The following LRP1B variants were observed in gnomAD, a reference collection of about 807,000 sequenced individuals.
LRP1B encodes the protein LDL receptor related protein 1B.
In LRP1B, 217 loss-of-function variants were observed where a neutral mutation model predicts 556.6. The observed-to-expected ratio is 0.39, with a 90% CI of 0.35 to 0.44. LRP1B has a LOEUF of 0.44. LRP1B is among the 20% of genes least tolerant of loss of function. LRP1B has a pLI of 1.00. For synonymous variants in LRP1B, 2,047 were observed against 1,865.8 expected (o/e 1.10, Z -2.50); for missense variants, 5,053 against 5,620.8 (o/e 0.90, Z 3.23).
intron 2 of LRP1B, among the ~76,000 whole-genome samples, chr2:141,572,904 A>G (rs1390643131): frequency 2.4e-5 from 1 of 41,796 alleles, no homozygotes; most frequent in African/African-American, 6.0e-5. Flanking sequence ...TAAGTATTCT[A>G]AATATCTATG....
intron 16 of LRP1B, among the ~76,000 whole-genome samples, chr2:140,993,687 A>G (rs1697156380): frequency 6.6e-6 from 1 of 152,018 alleles, no homozygotes; most frequent in Non-Finnish European, 1.5e-5. Context: ...CAAAAATCCA[A>G]AGAATTTCCC....
chr2:142,104,217 G>A (rs886794249), intron 1 of LRP1B, among the ~76,000 whole-genome samples: 5 of 152,102 alleles, frequency 3.3e-5, no homozygotes, highest in African/African-American at 1.2e-4. Flanking sequence ...AGGGGAACTG[G>A]AAGGAAGGAT....
At chr2:141,500,043 G>A (rs1683656018) in intron 2 of LRP1B, among the ~76,000 whole-genome samples, 2 of 152,168 alleles carry the variant, frequency 1.3e-5, no homozygotes, top group Admixed American at 1.3e-4. Flanking sequence ...CTGCCTAAAA[G>A]CAGAGCATAC....
rs1022553228 is a variant in LRP1B, at chr2:141,149,080, C to CA, written c.1013+39340dup. 1.7e-3 allele frequency among the ~76,000 whole-genome samples: 245 copies of CA among 144,008 alleles called. 2 individuals are homozygous for CA. The highest frequency in any genetic ancestry group is 2.6e-3 in the Non-Finnish European group (172 of 65,492). The allele number at this position is 144,008 out of a possible 152,430, so 94.5% of individuals were successfully genotyped here. On this transcript the variant is annotated intron_variant, in intron 7 of 90. Transcript: ENST00000389484. ...GGTGGAGTGCAGTGGTGCGATCTCT[C>CA]AAAAAAAAAAGTGAGGAATTCCTGA...
chr2:140,872,846 G>T (rs186077291), intron 25 of LRP1B, among the ~76,000 whole-genome samples: 1 of 149,112 alleles, frequency 6.7e-6, no homozygotes, highest in Non-Finnish European at 1.5e-5. Context: ...GAAAGTCTAA[G>T]ACAAGAAAAA....
At chr2:140,938,136 C>T (rs1695284343) in intron 20 of LRP1B, among the ~76,000 whole-genome samples, 1 of 150,162 alleles carries the variant, frequency 6.7e-6, no homozygotes, top group African/African-American at 2.5e-5. Flanking sequence ...TTTTAGCTTG[C>T]TGAGACCTTT....
At chr2:141,022,652 C>A (rs1698098988) in intron 11 of LRP1B, among the ~76,000 whole-genome samples, 1 of 151,834 alleles carries the variant, frequency 6.6e-6, no homozygotes, top group Non-Finnish European at 1.5e-5. Context: ...GAACAAAAGC[C>A]CTTTAAACAG....
chr2:142,078,580 G>A (rs1231587631), intron 1 of LRP1B, among the ~76,000 whole-genome samples: 1 of 152,088 alleles, frequency 6.6e-6, no homozygotes, highest in East Asian at 1.9e-4. Flanking sequence ...TTCCTGCCCT[G>A]TACAGCGGGT....
intron 12 of LRP1B, among the ~76,000 whole-genome samples, chr2:141,016,910 G>T (rs998071920): frequency 2.6e-5 from 4 of 152,046 alleles, no homozygotes; most frequent in Admixed American, 6.6e-5. Context: ...TTTGGAAAAA[G>T]TCTGTCACCA....
intron 32 of LRP1B, among the ~76,000 whole-genome samples, chr2:140,782,626 G>GA (rs1283313610): frequency 3.3e-5 from 5 of 152,006 alleles, no homozygotes. Flanking sequence ...CACTAACAGA[G>GA]ATATTACAGG....
At chr2:141,728,242 T>TTCTC (rs1404201766) in intron 2 of LRP1B, among the ~76,000 whole-genome samples, 1 of 152,126 alleles carries the variant, frequency 6.6e-6, no homozygotes, top group African/African-American at 2.4e-5. Flanking sequence ...AAGTTTAAGA[T>TTCTC]TCTCACTCAT....
chr2:140,856,175 G>T (rs556511962), intron 27 of LRP1B, among the ~76,000 whole-genome samples: 17 of 152,076 alleles, frequency 1.1e-4, no homozygotes, highest in African/African-American at 4.1e-4. Context: ...AAATGTATTC[G>T]TCACTATTCC....
Position 140,468,187 on chromosome 2 carries a change from C to A in LRP1B, c.9625+6951G>T, listed in dbSNP as rs192094205. 2.6e-3 allele frequency among the ~76,000 whole-genome samples: 392 copies of A among 152,268 alleles called. 1 individual carries two copies. Among genetic ancestry groups the A allele is most frequent in the Non-Finnish European group, 4.4e-3 (298 of 68,024 alleles). Reference sequence around the variant, plus strand: ...CACCTTTCAGTGTGGTGCTCTTTAGCCAGCCCAGCTGTGGCCCAAGCAGGC... The same window carrying A: ...CACCTTTCAGTGTGGTGCTCTTTAGACAGCCCAGCTGTGGCCCAAGCAGGC... On this transcript the variant is annotated intron_variant, in intron 60 of 90. Transcript: ENST00000389484.
intron 29 of LRP1B, among the ~76,000 whole-genome samples, chr2:140,841,457 G>A (rs1411009709): frequency 6.6e-6 from 1 of 152,112 alleles, no homozygotes; most frequent in African/African-American, 2.4e-5. Context: ...TTCTAGTTAC[G>A]AGAAAGTACT....
At chr2:140,461,069 G>GAA (rs1217803995) in intron 60 of LRP1B, among the ~76,000 whole-genome samples, 3 of 72,344 alleles carry the variant, frequency 4.1e-5, no homozygotes, top group Non-Finnish European at 5.9e-5. Flanking sequence ...ACTCAAAAAA[G>GAA]AAAAAAAAAA....
chr2:141,418,432 ATT>A (rs373970330), intron 3 of LRP1B, among the ~76,000 whole-genome samples: 19 of 140,816 alleles, frequency 1.3e-4, no homozygotes, highest in Admixed American at 1.4e-4. Context: ...AGAGCACAAT[ATT>A]TTTTTTTTTT....
intron 15 of LRP1B, among the ~76,000 whole-genome samples, chr2:140,999,235 C>G (rs187265210): frequency 1.3e-5 from 2 of 152,112 alleles, no homozygotes; most frequent in Non-Finnish European, 2.9e-5. Flanking sequence ...AAGTTGCAGG[C>G]TATATTAGAA....
At chr2:141,055,090 G>T (rs2105455498) in intron 10 of LRP1B, 26 bp downstream of exon 10, 1 of 1,609,754 alleles carries the variant, frequency 6.2e-7, no homozygotes, top group Non-Finnish European at 8.5e-7. Flanking sequence ...GTAGCTGCTG[G>T]CAAATGTTTT....
chr2:140,811,185 A>G (rs985259771), intron 32 of LRP1B, among the ~76,000 whole-genome samples: 4 of 152,210 alleles, frequency 2.6e-5, no homozygotes, highest in African/African-American at 9.6e-5. Context: ...GTTCCTCTAC[A>G]AAGCTGATGT....
Sources: gnomAD v4.1 joint callset for allele counts (sites outside exome capture counted in the v4.1 genomes callset) on GRCh38, gnomAD v4.1.1 for gene constraint, MANE v1.5 for transcripts, NCBI Gene and HGNC (gene_info 2026-07-23, HGNC 2026-07-21) for gene names.